RFX3: variants seen among roughly 807,000 people sequenced by gnomAD.
RFX3 encodes the protein regulatory factor X3.
In RFX3, 14 loss-of-function variants were observed where a neutral mutation model predicts 98.6. The ratio of observed to expected loss-of-function variants is 0.14; its 90% confidence interval spans 0.09 to 0.22. RFX3 has a LOEUF of 0.22. RFX3 is among the 10% of genes least tolerant of loss of function. The probability of loss-of-function intolerance (pLI) is 1.00; values close to 1 mark genes in which losing one functional copy is unlikely to be tolerated. For synonymous variants in RFX3, 383 were observed against 328.4 expected (o/e 1.17, Z -1.80); for missense variants, 639 against 926.9 (o/e 0.69, Z 4.03).
At chr9:3,524,698 G>T in intron 1 of RFX3, 5 of 827,554 alleles carry the variant, frequency 6.0e-6, no homozygotes, top group Non-Finnish European at 7.3e-6. Flanking sequence ...TCTACTGCGG[G>T]GAAGGAGGAT....
At chr9:3,311,403 T>C (rs1422179882) in intron 4 of RFX3, among the ~76,000 whole-genome samples, 10 of 152,252 alleles carry the variant, frequency 6.6e-5, no homozygotes, top group Admixed American at 2.0e-4. Flanking sequence ...CACTCACACC[T>C]GTGTGAAATG....
intron 2 of RFX3, among the ~76,000 whole-genome samples, chr9:3,372,722 A>G (rs1838004324): frequency 6.6e-6 from 1 of 151,806 alleles, no homozygotes; most frequent in Admixed American, 6.6e-5. Flanking sequence ...AGCAGCTGGG[A>G]GTACAGGTGC....
At chr9:3,364,169 C>G (rs1368721498) in intron 2 of RFX3, among the ~76,000 whole-genome samples, 1 of 152,220 alleles carries the variant, frequency 6.6e-6, no homozygotes, top group African/African-American at 2.4e-5. Flanking sequence ...CCACTGCACC[C>G]AGCCCATTTT....
rs2920366 is a variant in RFX3, at chr9:3,313,543, A to T, written c.475-11923T>A. 8.1e-4 allele frequency among the ~76,000 whole-genome samples: 123 copies of T among 152,266 alleles called. 1 individual carries two copies. The highest frequency in any genetic ancestry group is 2.8e-3 in the African/African-American group (118 of 41,544). On this transcript the variant is annotated intron_variant, in intron 4 of 16. Transcript: ENST00000617270. ...AATTTTGACGAGTTGAGAGAAGAAG[A>T]CTTCAGACGATCGGCAATAACAAAC...
chr9:3,504,400 T>C (rs1321081955), intron 1 of RFX3, among the ~76,000 whole-genome samples: 3 of 134,384 alleles, frequency 2.2e-5, no homozygotes, highest in African/African-American at 8.5e-5. Flanking sequence ...ATATATTGTA[T>C]ATAAAATATA....
chr9:3,364,967 A>C (rs1836877585), intron 2 of RFX3, among the ~76,000 whole-genome samples: 1 of 152,116 alleles, frequency 6.6e-6, no homozygotes, highest in African/African-American at 2.4e-5. Context: ...TTTTGTTTTA[A>C]ATTAATTCTT....
chr9:3,479,106 T>A (rs1471437817), intron 1 of RFX3, among the ~76,000 whole-genome samples: 1 of 152,180 alleles, frequency 6.6e-6, no homozygotes, highest in Non-Finnish European at 1.5e-5. Flanking sequence ...ACCACTAAGC[T>A]GGAGAGAGAG....
At chr9:3,271,432 TTTCC>T (rs1365357730) in intron 9 of RFX3, among the ~76,000 whole-genome samples, 1 of 151,792 alleles carries the variant, frequency 6.6e-6, no homozygotes, top group African/African-American at 2.4e-5. Context: ...TCCTCTCTTC[TTTCC>T]TTCCCTCCCT....
chr9:3,274,140 C>A (rs1416491018), intron 9 of RFX3, among the ~76,000 whole-genome samples: 1 of 152,180 alleles, frequency 6.6e-6, no homozygotes, highest in Non-Finnish European at 1.5e-5. Context: ...AAGAACACTT[C>A]TGGCACATGT....
intron 2 of RFX3, among the ~76,000 whole-genome samples, chr9:3,363,967 C>G (rs2131423453): frequency 6.6e-6 from 1 of 152,350 alleles, no homozygotes; most frequent in East Asian, 1.9e-4. Context: ...CCTCCGCCTC[C>G]CGGATTCAAG....
rs186557003 is a variant in RFX3, at chr9:3,223,010, G to C, written c.*2032C>G. 1 of 152,176 alleles carries C rather than the reference G, an allele frequency of 6.6e-6. No individual in the cohort carries two copies. The highest frequency in any genetic ancestry group is 2.4e-5 in the African/African-American group (1 of 41,530). 9.4% of individuals were successfully genotyped at this position (152,176 alleles called of 1,614,324 possible). ...AGCTTAAATACACTGTGTATTACCC[G>C]ATAAGCCATTTGGTATTTCTAACTT... On this transcript the variant is annotated 3_prime_UTR_variant, in exon 17 of 17. Transcript: ENST00000617270.
intron 1 of RFX3, among the ~76,000 whole-genome samples, chr9:3,515,307 T>C (rs1187936396): frequency 6.6e-6 from 1 of 152,144 alleles, no homozygotes; most frequent in Non-Finnish European, 1.5e-5. Context: ...TGGATAGATA[T>C]ATACAGATAT....
intron 4 of RFX3, among the ~76,000 whole-genome samples, chr9:3,328,794 T>C (rs985428549): frequency 6.6e-6 from 1 of 152,176 alleles, no homozygotes; most frequent in African/African-American, 2.4e-5. Flanking sequence ...AGAAAATCCA[T>C]AAAATGAGAA....
At chr9:3,226,008 A>T (rs1817719943) in intron 16 of RFX3, among the ~76,000 whole-genome samples, 1 of 152,218 alleles carries the variant, frequency 6.6e-6, no homozygotes, top group Non-Finnish European at 1.5e-5. Flanking sequence ...GTTTTATATT[A>T]ACTAAAGCAT....
At chr9:3,229,241 A>G (rs890878975) in intron 15 of RFX3, among the ~76,000 whole-genome samples, 2 of 152,210 alleles carry the variant, frequency 1.3e-5, no homozygotes, top group South Asian at 2.1e-4. Flanking sequence ...AAAAGCCCCA[A>G]TCAAGCAGGA....
chr9:3,368,604 T>C (rs946665449), intron 2 of RFX3, among the ~76,000 whole-genome samples: 2 of 152,226 alleles, frequency 1.3e-5, no homozygotes, highest in African/African-American at 4.8e-5. Context: ...TTCTTTGACA[T>C]CTCCGTGGTT....
intron 1 of RFX3, among the ~76,000 whole-genome samples, chr9:3,506,394 C>T (rs1292844489): frequency 1.3e-5 from 2 of 151,774 alleles, no homozygotes; most frequent in East Asian, 3.9e-4. Context: ...AACTGAAGTC[C>T]TGATCCTCTA....
chr9:3,450,093 A>G (rs1396467348), intron 1 of RFX3, among the ~76,000 whole-genome samples: 2 of 152,236 alleles, frequency 1.3e-5, no homozygotes, highest in African/African-American at 4.8e-5. Context: ...GAAATGGTAG[A>G]TGCTAAAGAG....
At chr9:3,515,109 C>T (rs1564196216) in intron 1 of RFX3, among the ~76,000 whole-genome samples, 2 of 152,086 alleles carry the variant, frequency 1.3e-5, no homozygotes, top group Non-Finnish European at 2.9e-5. Flanking sequence ...AAACATATAT[C>T]CACAAAACCA....
Sources: gnomAD v4.1 joint callset for allele counts (sites outside exome capture counted in the v4.1 genomes callset) on GRCh38, gnomAD v4.1.1 for gene constraint, MANE v1.5 for transcripts, NCBI Gene and HGNC (gene_info 2026-07-23, HGNC 2026-07-21) for gene names.